Variants in PLGRKT observed in about 807,000 individuals in gnomAD.
PLGRKT encodes plasminogen receptor (KT).
A neutral mutation model predicts 18.5 loss-of-function variants in PLGRKT; 22 were observed. The ratio of observed to expected loss-of-function variants is 1.19; its 90% CI spans 0.85 to 1.70. The LOEUF (loss-of-function observed/expected upper bound fraction) is 1.70. Among genes scored for constraint, PLGRKT ranks in the 40% most tolerant of loss-of-function variants. PLGRKT has a pLI of 0.00. For synonymous variants in PLGRKT, 72 were observed against 52.8 expected (o/e 1.36, Z -1.58); for missense variants, 235 against 174.4 (o/e 1.35, Z -1.96).
chr9:5,418,710 G>T lies in PLGRKT; in HGVS notation c.81+13187C>A. The T allele has an allele frequency of 1.5e-6, 1 of 666,712 alleles. No individual in the cohort carries two copies. 41.3% of individuals were successfully genotyped at this position (666,712 alleles called of 1,614,324 possible). On this transcript the variant is annotated intron_variant, in intron 3 of 5. Coordinates refer to ENST00000223864, the MANE Select transcript of PLGRKT (RefSeq NM_018465.4). This position sits in a 1 kb window ranked among gnomAD's most constrained non-coding sequence, Gnocchi z 4.2. ...ACCCACTGCCGGGAAGTCTGATGAA[G>T]ACCGGCATGTGCTCCGAAGCGTGTG...
chr9:5,396,380 G>A (rs1818049086), intron 3 of PLGRKT, among the ~76,000 whole-genome samples: 1 of 151,150 alleles, frequency 6.6e-6, no homozygotes. Flanking sequence ...CAACCTCCCA[G>A]GTTCAAGTGA....
intron 3 of PLGRKT, among the ~76,000 whole-genome samples, chr9:5,378,687 G>T (rs1255421239): frequency 1.3e-5 from 2 of 152,030 alleles, no homozygotes; most frequent in African/African-American, 2.4e-5. Flanking sequence ...GAAGATAGAA[G>T]AGTTAAGAAT....
intron 3 of PLGRKT, chr9:5,381,979 C>A: frequency 1.0e-6 from 1 of 985,202 alleles, no homozygotes; most frequent in East Asian, 1.1e-4. Flanking sequence ...CAAGGCACTC[C>A]TCCCCTGGCT....
intron 3 of PLGRKT, among the ~76,000 whole-genome samples, chr9:5,422,996 A>C (rs1818606886): frequency 6.6e-6 from 1 of 152,146 alleles, no homozygotes; most frequent in Non-Finnish European, 1.5e-5. Flanking sequence ...CACGTTTAAA[A>C]TTTTCTTTTT....
intron 3 of PLGRKT, among the ~76,000 whole-genome samples, chr9:5,413,319 G>C (rs10975103): frequency 0.23 from 35,142 of 152,110 alleles, 4,467 homozygotes; most frequent in Non-Finnish European, 0.29. Flanking sequence ...CCTGGGGTGG[G>C]CAGAATAATG....
chr9:5,379,843 A>G (rs951329891), intron 3 of PLGRKT, among the ~76,000 whole-genome samples: 4 of 152,204 alleles, frequency 2.6e-5, no homozygotes, highest in African/African-American at 9.6e-5. Context: ...GGACAATTTG[A>G]CAGTATCTGT....
intron 3 of PLGRKT, among the ~76,000 whole-genome samples, chr9:5,390,688 TC>T (rs1442036433): frequency 1.3e-5 from 2 of 151,822 alleles, no homozygotes; most frequent in Non-Finnish European, 2.9e-5. Context: ...AACTGCAGCT[TC>T]CCCAATGTAC....
At chr9:5,426,194 T>C (rs369265744) in intron 3 of PLGRKT, among the ~76,000 whole-genome samples, 6 of 152,152 alleles carry the variant, frequency 3.9e-5, no homozygotes, top group Non-Finnish European at 8.8e-5. Context: ...ACTCAATACA[T>C]AGGGAGGAGA....
chr9:5,371,520 C>T (rs2131076062), intron 3 of PLGRKT, among the ~76,000 whole-genome samples: 1 of 152,320 alleles, frequency 6.6e-6, no homozygotes, highest in Non-Finnish European at 1.5e-5. Context: ...CTTGCCACCG[C>T]CAGGAAAGAA....
At chr9:5,409,893 T>C (rs1201910776) in intron 3 of PLGRKT, among the ~76,000 whole-genome samples, 2 of 152,208 alleles carry the variant, frequency 1.3e-5, no homozygotes, top group Non-Finnish European at 2.9e-5. Flanking sequence ...AATAATGAAA[T>C]TCTAACTTTT....
chr9:5,363,963 T>C (rs1817325531), intron 3 of PLGRKT, among the ~76,000 whole-genome samples: 1 of 152,234 alleles, frequency 6.6e-6, no homozygotes, highest in African/African-American at 2.4e-5. Flanking sequence ...CTTGCCACAT[T>C]ACTTATTTAC....
At chr9:5,378,790 T>C (rs1272008286) in intron 3 of PLGRKT, among the ~76,000 whole-genome samples, 2 of 152,126 alleles carry the variant, frequency 1.3e-5, no homozygotes, top group African/African-American at 2.4e-5. Context: ...AATGGTAGGA[T>C]TTAACCATCT....
intron 3 of PLGRKT, among the ~76,000 whole-genome samples, chr9:5,424,720 C>CAG (rs1175731931): frequency 1.6e-4 from 19 of 115,612 alleles, no homozygotes; most frequent in Admixed American, 3.8e-4. Flanking sequence ...GAGGGAGAGA[C>CAG]AGAGAGAGAG....
At chr9:5,399,860 G>A (rs1277296950) in intron 3 of PLGRKT, among the ~76,000 whole-genome samples, 1 of 151,516 alleles carries the variant, frequency 6.6e-6, no homozygotes, top group African/African-American at 2.4e-5. Context: ...GCCTGGTGGT[G>A]CACGCCTGTC....
At chr9:5,367,230 C>T (rs1016940610) in intron 3 of PLGRKT, among the ~76,000 whole-genome samples, 2 of 151,690 alleles carry the variant, frequency 1.3e-5, no homozygotes, top group African/African-American at 4.9e-5. Context: ...CTTCACAGAA[C>T]TAGAAAAAAA....
intron 3 of PLGRKT, among the ~76,000 whole-genome samples, chr9:5,387,233 G>A (rs921184155): frequency 1.1e-4 from 16 of 151,894 alleles, no homozygotes; most frequent in Non-Finnish European, 1.0e-4. Flanking sequence ...CTTTTACTCC[G>A]AAAAAGATGG....
At chr9:5,411,054 TC>T (rs2131143539) in intron 3 of PLGRKT, among the ~76,000 whole-genome samples, 1 of 152,136 alleles carries the variant, frequency 6.6e-6, no homozygotes, top group African/African-American at 2.4e-5. Context: ...GGAGTAGTCA[TC>T]ATGAGCAAAT....
intron 3 of PLGRKT, among the ~76,000 whole-genome samples, chr9:5,379,191 T>C (rs1321784064): frequency 6.6e-6 from 1 of 152,210 alleles, no homozygotes; most frequent in Non-Finnish European, 1.5e-5. Flanking sequence ...AATCCATTAA[T>C]AGTTATTCAC....
intron 3 of PLGRKT, among the ~76,000 whole-genome samples, chr9:5,385,932 C>T (rs1016995125): frequency 6.6e-6 from 1 of 151,730 alleles, no homozygotes; most frequent in Non-Finnish European, 1.5e-5. Context: ...AGTAAAAGCA[C>T]AGTTATGGGT....
Sources: gnomAD v4.1 joint callset for allele counts (sites outside exome capture counted in the v4.1 genomes callset) on GRCh38, gnomAD v4.1.1 for gene constraint, Gnocchi (gnomAD v3.1) non-coding constraint, MANE v1.5 for transcripts, NCBI Gene and HGNC (gene_info 2026-07-23, HGNC 2026-07-21) for gene names.